Variants in HERC1 observed in about 807,000 individuals in gnomAD.
HERC1 encodes the protein HECT and RLD domain containing E3 ubiquitin protein ligase family member 1, also known as probable E3 ubiquitin-protein ligase HERC1.
A neutral mutation model predicts 554.3 loss-of-function variants in HERC1; 160 were observed. The ratio of observed to expected loss-of-function variants is 0.29; its 90% CI spans 0.25 to 0.33. The LOEUF is 0.33. Ranked by LOEUF, HERC1 falls within the 10% of genes least tolerant of loss-of-function variation. HERC1 has a pLI of 1.00. For synonymous variants in HERC1, 2,175 were observed against 2,131.7 expected (o/e 1.02, Z -0.56); for missense variants, 4,919 against 5,918.5 (o/e 0.83, Z 5.54).
At chr15:63,709,792 A>C (rs1374345246) in intron 24 of HERC1, among the ~76,000 whole-genome samples, 1 of 152,246 alleles carries the variant, frequency 6.6e-6, no homozygotes, top group African/African-American at 2.4e-5. Flanking sequence ...CTAGATTTCT[A>C]GTGGGTTTAC....
intron 2 of HERC1, among the ~76,000 whole-genome samples, 153 bp from the exon 3 acceptor site, chr15:63,764,344 T>G (rs1464484500): frequency 6.6e-6 from 1 of 152,230 alleles, no homozygotes; most frequent in African/African-American, 2.4e-5. Flanking sequence ...GTCATGAAAC[T>G]AACTTTTGCA....
intron 52 of HERC1, among the ~76,000 whole-genome samples, chr15:63,652,052 A>G (rs1413539248): frequency 6.6e-6 from 1 of 152,090 alleles, no homozygotes; most frequent in Non-Finnish European, 1.5e-5. Flanking sequence ...GAAAAAAACA[A>G]AACAAAACAA....
chr15:63,748,079 AGTCGGGCATG>A (rs1354111605), intron 10 of HERC1, among the ~76,000 whole-genome samples: 3 of 152,140 alleles, frequency 2.0e-5, no homozygotes, highest in Non-Finnish European at 4.4e-5. Context: ...CATAAAAATT[AGTCGGGCATG>A]GTGGTATATG....
rs773314378 is a variant in HERC1 at position 63,612,251 on chromosome 15, C to A, written c.14400G>T (p.Arg4800Ser). Residue 4800 changes from arginine (R) to serine (S), a missense_variant and splice_region_variant, in exon 77 of 78, where the codon AGG (arginine) becomes AGT (serine). By Grantham distance (110) the Arg-to-Ser change is moderately radical. Transcript: ENST00000443617. The surrounding 1 kb of genome is among the most constrained non-coding windows in gnomAD (Gnocchi z 5.0). ...SQRFQIMKVD[R>S]PYDSLPTSQT... is the part of the protein sequence containing the mutation. ...AAGGAAAAAAGAATAGCTTACTTAC[C>A]CTATCAACCTTCATGATTTGAAATC... The A allele has an allele frequency of 1.2e-6, 2 of 1,601,322 alleles. No homozygotes were observed. Among genetic ancestry groups the A allele is most frequent in the Non-Finnish European group, 8.5e-7 (1 of 1,170,880 alleles).
chr15:63,776,617 G>A (rs2076124257), intron 1 of HERC1, among the ~76,000 whole-genome samples: 1 of 152,166 alleles, frequency 6.6e-6, no homozygotes, highest in Admixed American at 6.5e-5. Context: ...GACACTTCTT[G>A]AGATAATATT....
intron 50 of HERC1, 120 bp downstream of exon 50, chr15:63,655,622 T>C: frequency 1.4e-6 from 1 of 694,492 alleles, no homozygotes; most frequent in Non-Finnish European, 2.4e-6. Context: ...GCACTTCTTT[T>C]ATGTTCTAAA....
intron 12 of HERC1, among the ~76,000 whole-genome samples, chr15:63,736,106 GAACA>G (rs747187464): frequency 1.3e-5 from 2 of 152,094 alleles, no homozygotes; most frequent in Non-Finnish European, 2.9e-5. Context: ...AAACAGAAAG[GAACA>G]GACAAAGGGT....
At chr15:63,735,859 G>A (rs1410500009) in intron 12 of HERC1, among the ~76,000 whole-genome samples, 1 of 152,070 alleles carries the variant, frequency 6.6e-6, no homozygotes, top group African/African-American at 2.4e-5. Flanking sequence ...TTAAGAACAG[G>A]ACAAATCTTT....
At chr15:63,744,057 T>C (rs893029807) in intron 12 of HERC1, among the ~76,000 whole-genome samples, 1 of 151,264 alleles carries the variant, frequency 6.6e-6, no homozygotes, top group Non-Finnish European at 1.5e-5. Context: ...GAGAATTCTC[T>C]GGATTATCAG....
intron 31 of HERC1, among the ~76,000 whole-genome samples, chr15:63,691,891 C>A (rs2072135213): frequency 6.6e-6 from 1 of 152,014 alleles, no homozygotes; most frequent in Admixed American, 6.6e-5. Context: ...TGCATTTTAC[C>A]ACAATTTTAG....
At chr15:63,747,653 A>G (rs2075103581) in intron 11 of HERC1, 71 bp downstream of exon 11, 2 of 850,704 alleles carry the variant, frequency 2.4e-6, no homozygotes, top group Non-Finnish European at 3.4e-6. Flanking sequence ...CTCAAAAGGA[A>G]TAATTTATAC....
chr15:63,693,009 C>T (rs960784898), intron 30 of HERC1, among the ~76,000 whole-genome samples: 1 of 151,922 alleles, frequency 6.6e-6, no homozygotes, highest in East Asian at 1.9e-4. Flanking sequence ...AGCGAAACCC[C>T]GTCTCTAATA....
chr15:63,796,490 C>T (rs1350748787), intron 1 of HERC1, among the ~76,000 whole-genome samples: 3 of 152,232 alleles, frequency 2.0e-5, no homozygotes, highest in Middle Eastern at 3.4e-3. Context: ...TCGATCATTC[C>T]GGGGTGTAGA....
chr15:63,612,226 A>C lies in HERC1; in HGVS notation c.14400+25T>G, dbSNP rs1228317008. On this transcript the variant is annotated intron_variant, in intron 77 of 77. Coordinates refer to ENST00000443617, the MANE Select transcript of HERC1 (RefSeq NM_003922.4). The surrounding 1 kb of genome is among the most constrained non-coding windows in gnomAD (Gnocchi z 5.0). ...ATGAAGCAATAAGGCAGACATTACA[A>C]AGGAAAAAAGAATAGCTTACTTACC... The C allele has an allele frequency of 1.9e-6, 3 of 1,562,774 alleles. No individual in the cohort carries two copies. The highest frequency in any genetic ancestry group is 2.6e-6 in the Non-Finnish European group (3 of 1,148,722).
intron 1 of HERC1, among the ~76,000 whole-genome samples, chr15:63,790,002 G>C (rs1306674920): frequency 6.6e-6 from 1 of 152,026 alleles, no homozygotes. Flanking sequence ...AAGTCTGTCA[G>C]AACAGCTAGG....
intron 1 of HERC1, among the ~76,000 whole-genome samples, chr15:63,807,878 C>G (rs1341290176): frequency 6.6e-6 from 1 of 151,962 alleles, no homozygotes; most frequent in Admixed American, 6.6e-5. Flanking sequence ...CAAATCCTAC[C>G]TCCCCCGCCC....
chr15:63,668,796 G>GA, intron 40 of HERC1, among the ~76,000 whole-genome samples: 1 of 152,110 alleles, frequency 6.6e-6, no homozygotes, highest in Middle Eastern at 3.4e-3. Context: ...CTGAAAACAG[G>GA]AAATAGAAAA....
intron 62 of HERC1, 69 bp from the exon 63 acceptor site, chr15:63,638,605 A>G: frequency 6.2e-7 from 1 of 1,606,188 alleles, no homozygotes; most frequent in Non-Finnish European, 8.5e-7. Context: ...CTACGTACCA[A>G]GTGTGTGCCA....
At chr15:63,760,435 C>CAAAAAAA (rs34164820) in intron 3 of HERC1, among the ~76,000 whole-genome samples, 6 of 91,422 alleles carry the variant, frequency 6.6e-5, no homozygotes, top group Admixed American at 1.4e-4. Context: ...AGACACCATC[C>CAAAAAAA]AAAAAAAAAA....
Sources: allele counts gnomAD v4.1 joint callset (sites outside exome capture counted in the v4.1 genomes callset), GRCh38; gene constraint gnomAD v4.1.1; non-coding constraint Gnocchi (gnomAD v3.1); transcripts MANE v1.5; gene names NCBI Gene and HGNC (gene_info 2026-07-23, HGNC 2026-07-21).